HPSE2: variants seen among roughly 807,000 people sequenced by gnomAD.
The protein encoded by HPSE2 is inactive heparanase-2.
In HPSE2, 38 loss-of-function variants were observed where a neutral mutation model predicts 60.5. The observed-to-expected ratio is 0.63, with a 90% CI of 0.48 to 0.82. HPSE2 has a LOEUF of 0.82. HPSE2 is among the 40% of genes least tolerant of loss of function. HPSE2 has a pLI of 0.00. For missense variants in HPSE2, 713 were observed against 740.4 expected (o/e 0.96, Z 0.43); for synonymous variants, 295 against 293.2 (o/e 1.01, Z -0.06).
chr10:98,614,990 T>C lies in HPSE2; in HGVS notation c.1234A>G (p.Asn412Asp). ...CGTATCACGACATCAATGCCCTGAT[T>C]GGCCAGCATTCCTAAAGTGTTCAAC... ...LWLNTLGMLA[N>D]QGIDVVIRHS... The change falls in exon 9 of 12, where the codon AAT (asparagine) becomes GAT (aspartate). Residue 412 changes from asparagine (N) to aspartate (D), a missense_variant. Coordinates refer to ENST00000370552, the MANE Select transcript of HPSE2 (RefSeq NM_021828.5). 1 of 1,614,000 alleles carries C rather than the reference T, an allele frequency of 6.2e-7. No individual in the cohort carries two copies. Among genetic ancestry groups the C allele is most frequent in the Non-Finnish European group, 8.5e-7 (1 of 1,179,876 alleles).
At chr10:99,011,349 A>C (rs1957009752) in intron 3 of HPSE2, among the ~76,000 whole-genome samples, 1 of 152,124 alleles carries the variant, frequency 6.6e-6, no homozygotes, top group Non-Finnish European at 1.5e-5. Context: ...TACTTATAGT[A>C]TGTACTATTA....
chr10:98,543,476 C>A (rs1303999075), intron 9 of HPSE2, among the ~76,000 whole-genome samples: 4 of 151,736 alleles, frequency 2.6e-5, no homozygotes, highest in African/African-American at 9.7e-5. Context: ...TCACACATAA[C>A]AATATTAACT....
chr10:98,825,571 C>T (rs1951523206), intron 3 of HPSE2, among the ~76,000 whole-genome samples: 1 of 127,958 alleles, frequency 7.8e-6, no homozygotes, highest in Non-Finnish European at 1.6e-5. Flanking sequence ...TTCTCTGACA[C>T]ACTGGTGCTT....
intron 3 of HPSE2, among the ~76,000 whole-genome samples, chr10:98,832,918 G>T (rs1326021781): frequency 6.6e-6 from 1 of 152,150 alleles, no homozygotes; most frequent in Non-Finnish European, 1.5e-5. Context: ...GAGCTCTTTT[G>T]CCAGGAGTTT....
chr10:98,768,074 A>C (rs112962885), intron 3 of HPSE2, among the ~76,000 whole-genome samples: 89 of 152,070 alleles, frequency 5.9e-4, no homozygotes, highest in Admixed American at 1.1e-3. Flanking sequence ...GTTATACTGG[A>C]AAATAATGGG....
At chr10:99,102,646 T>A (rs1287574934) in intron 3 of HPSE2, among the ~76,000 whole-genome samples, 1 of 152,146 alleles carries the variant, frequency 6.6e-6, no homozygotes, top group African/African-American at 2.4e-5. Context: ...GCCAGCATCA[T>A]CCTGATACCA....
intron 3 of HPSE2, among the ~76,000 whole-genome samples, chr10:99,136,548 A>C (rs61883577): frequency 1.3e-5 from 2 of 152,226 alleles, no homozygotes; most frequent in East Asian, 3.8e-4. Context: ...CACCACGATC[A>C]AGTCGGCTTC....
At chr10:98,558,187 A>G (rs1225956930) in intron 9 of HPSE2, among the ~76,000 whole-genome samples, 2 of 152,230 alleles carry the variant, frequency 1.3e-5, no homozygotes, top group African/African-American at 2.4e-5. Context: ...TGGTAGGAAT[A>G]TAAGTTTATA....
intron 9 of HPSE2, among the ~76,000 whole-genome samples, chr10:98,555,476 C>T (rs961932903): frequency 6.6e-6 from 1 of 152,194 alleles, no homozygotes; most frequent in Non-Finnish European, 1.5e-5. Context: ...CTAAGCTCCC[C>T]TTTGAGGGCT....
At chr10:98,849,777 G>T (rs1386235728) in intron 3 of HPSE2, among the ~76,000 whole-genome samples, 1 of 151,946 alleles carries the variant, frequency 6.6e-6, no homozygotes, top group African/African-American at 2.4e-5. Flanking sequence ...ACGGAGTCTC[G>T]CTCTGTCGCC....
intron 3 of HPSE2, among the ~76,000 whole-genome samples, chr10:98,938,834 A>C (rs1261777312): frequency 6.9e-6 from 1 of 144,112 alleles, no homozygotes; most frequent in Non-Finnish European, 1.5e-5. Context: ...GCAGACAGAG[A>C]GAAAGGTCAG....
chr10:98,833,195 A>G (rs1951721055), intron 3 of HPSE2, among the ~76,000 whole-genome samples: 1 of 152,212 alleles, frequency 6.6e-6, no homozygotes, highest in Admixed American at 6.5e-5. Flanking sequence ...AATTTTAGAG[A>G]CACAAAAATG....
At chr10:98,627,213 C>T (rs1946242369) in intron 7 of HPSE2, among the ~76,000 whole-genome samples, 2 of 152,152 alleles carry the variant, frequency 1.3e-5, no homozygotes, top group Non-Finnish European at 2.9e-5. Flanking sequence ...AAAGTTACGC[C>T]TGTAGCCCTA....
At chr10:98,508,569 T>A (rs1942278612) in intron 9 of HPSE2, among the ~76,000 whole-genome samples, 1 of 152,180 alleles carries the variant, frequency 6.6e-6, no homozygotes, top group African/African-American at 2.4e-5. Flanking sequence ...GCCAATGAGT[T>A]AAACAATTAC....
Position 98,630,555 on chromosome 10 carries a change from A to AT in HPSE2, c.1099-9848dup, listed in dbSNP as rs760406561. On this transcript the variant is annotated intron_variant, in intron 7 of 11. Transcript: ENST00000370552. Reference sequence around the variant, plus strand: ...CTCACTTCTCATCCACATTGTTTTGATTTTTTTTTTCAAGCCTATTTCAAA... The same window carrying AT: ...CTCACTTCTCATCCACATTGTTTTGATTTTTTTTTTTCAAGCCTATTTCAAA... Among the ~76,000 whole-genome samples, 575 of 147,760 alleles carry AT rather than the reference A, an allele frequency of 3.9e-3. 16 individuals are homozygous for AT. The East Asian group carries it at 0.097, about 25-fold the overall frequency.
At position 98,799,800 on chromosome 10, in the gene HPSE2, T is replaced by C. The variant is rs1002709359; in HGVS notation, c.611-55744A>G. Among the ~76,000 whole-genome samples the C allele has an allele frequency of 2.7e-5, 4 of 150,674 alleles. 1 individual carries two copies. The East Asian group carries it at 5.9e-4, about 22-fold the overall frequency. ...CAGAAGCAATACTAAGAGGAAAATA[T>C]ACAGCTGTAAGTGCCTACATCAAAA... On this transcript the variant is annotated intron_variant, in intron 3 of 11. Coordinates refer to ENST00000370552, the MANE Select transcript of HPSE2 (RefSeq NM_021828.5).
At chr10:98,792,386 C>T (rs1166958759) in intron 3 of HPSE2, among the ~76,000 whole-genome samples, 1 of 151,892 alleles carries the variant, frequency 6.6e-6, no homozygotes, top group Admixed American at 6.6e-5. Flanking sequence ...ATTTCCTCAC[C>T]CCAAATATAG....
At chr10:98,532,193 C>A (rs568146008) in intron 9 of HPSE2, among the ~76,000 whole-genome samples, 1 of 152,296 alleles carries the variant, frequency 6.6e-6, no homozygotes, top group African/African-American at 2.4e-5. Flanking sequence ...GAGAAGAAAA[C>A]TCTCCTGTTC....
intron 2 of HPSE2, among the ~76,000 whole-genome samples, chr10:99,195,902 CTAT>C (rs1848381021): frequency 6.6e-6 from 1 of 151,728 alleles, no homozygotes; most frequent in East Asian, 1.9e-4. Flanking sequence ...ATAGCCAAAA[CTAT>C]CCTTAGCAAA....
Sources: gnomAD v4.1 joint callset for allele counts (sites outside exome capture counted in the v4.1 genomes callset) on GRCh38, gnomAD v4.1.1 for gene constraint, MANE v1.5 for transcripts, NCBI Gene and HGNC (gene_info 2026-07-23, HGNC 2026-07-21) for gene names.